The following SH3BP1 variants were observed in gnomAD, a reference collection of about 807,000 sequenced individuals.
SH3BP1 encodes SH3 domain binding protein 1.
A neutral mutation model predicts 69.8 loss-of-function variants in SH3BP1; 46 were observed. The ratio of observed to expected loss-of-function variants is 0.66; its 90% CI spans 0.52 to 0.84. The LOEUF is 0.84. Ranked by LOEUF, SH3BP1 falls within the 40% of genes least tolerant of loss-of-function variation. The pLI is 0.00. For synonymous variants in SH3BP1, 403 were observed against 378.0 expected (o/e 1.07, Z -0.77); for missense variants, 868 against 930.9 (o/e 0.93, Z 0.88).
intron 6 of SH3BP1, 21 bp downstream of exon 6, chr22:37,643,195 G>T: frequency 6.3e-7 from 1 of 1,590,668 alleles, no homozygotes; most frequent in Non-Finnish European, 8.6e-7. Flanking sequence ...CAGCCGCTCA[G>T]GGGGCTCATA....
At chr22:37,645,233 G>A (rs73887019) in intron 9 of SH3BP1, 132 bp from the exon 10 acceptor site, 72 of 1,222,932 alleles carry the variant, frequency 5.9e-5, no homozygotes, top group African/African-American at 5.6e-4. Flanking sequence ...GAGATGTGAC[G>A]GATGATTTCA....
In SH3BP1 at chr22:37,650,239, C is replaced by A. The variant is rs1932852561; in HGVS notation, c.1404C>A (p.Leu468=). The A allele has an allele frequency of 1.2e-6, 2 of 1,608,864 alleles. No homozygotes were observed. The highest frequency in any genetic ancestry group is 1.3e-5 in the African/African-American group (1 of 74,822). ...CGCTGATCCAGAGCGCAGACACCCTCTTCCCTGGAGGTGAAGCTCCTGCCT... is the reference window on the plus strand; with the variant it reads ...CGCTGATCCAGAGCGCAGACACCCTATTCCCTGGAGGTGAAGCTCCTGCCT... ...VEALIQSADT[L]FPGDINFNVS... is the part of the protein sequence containing the mutation. Residue 468 remains leucine, a synonymous_variant, in exon 15 of 18, where the codon CTC becomes CTA. Coordinates refer to ENST00000649765, the MANE Select transcript of SH3BP1 (RefSeq NM_018957.6).
chr22:37,653,128 C>A (rs1932916537), intron 16 of SH3BP1, among the ~76,000 whole-genome samples: 1 of 151,038 alleles, frequency 6.6e-6, no homozygotes, highest in Non-Finnish European at 1.5e-5. Context: ...CAGAGCGAGA[C>A]TTCTCAACAA....
chr22:37,640,839 C>T, intron 1 of SH3BP1: 1 of 483,080 alleles, frequency 2.1e-6, no homozygotes, highest in Non-Finnish European at 3.7e-6. Context: ...CAAAGCTGGG[C>T]CCCGGGTGGG....
Position 37,650,665 on chromosome 22 carries a change from C to A in SH3BP1, c.1538C>A (p.Pro513Gln), listed in dbSNP as rs142801645. ...CCCACCCCAGCCACCACCCCGGCTCCGGCTCCGGCTCCAGCTCCAGCTCCG... is the reference window on the plus strand; with the variant it reads ...CCCACCCCAGCCACCACCCCGGCTCAGGCTCCGGCTCCAGCTCCAGCTCCG... Reference protein sequence around the residue: ...AVPTPATTPAPAPAPAPAPAP... With the variant: ...AVPTPATTPAQAPAPAPAPAP... Residue 513 changes from proline to glutamine, a missense_variant, in exon 16 of 18, where the codon CCG (proline) becomes CAG (glutamine). By Grantham distance (76) the Pro-to-Gln change is moderately conservative. Around this residue, in one of 3 missense-constraint regions of SH3BP1, gnomAD observed 474 missense variants for 462.3 expected, o/e 1.03. Transcript: ENST00000649765. 1 of 1,613,878 alleles carries A rather than the reference C, an allele frequency of 6.2e-7. No individual in the cohort carries two copies. The highest frequency in any genetic ancestry group is 1.7e-5 in the Admixed American group (1 of 60,006).
chr22:37,643,193 CAG>C lies in SH3BP1; in HGVS notation c.473+20_473+21del. The C allele has an allele frequency of 1.9e-6, 3 of 1,592,584 alleles. No homozygotes were observed. The highest frequency in any genetic ancestry group is 2.6e-6 in the Non-Finnish European group (3 of 1,167,236). Reference sequence around the variant, plus strand: ...AGAGCAGGTGGGAGCCCCAGCCGCTCAGGGGGCTCATATCTGGGTCAGCCCAC... The same window carrying C: ...AGAGCAGGTGGGAGCCCCAGCCGCTCGGGGCTCATATCTGGGTCAGCCCAC... On this transcript the variant is annotated intron_variant, in intron 6 of 17. Coordinates refer to ENST00000649765, the MANE Select transcript of SH3BP1 (RefSeq NM_018957.6).
chr22:37,647,546 C>G (rs767197969), intron 13 of SH3BP1, 25 bp downstream of exon 13: 1 of 1,571,910 alleles, frequency 6.4e-7, no homozygotes, highest in East Asian at 2.3e-5. Context: ...GCCTCCCCAG[C>G]CTGCCGCAGA....
At chr22:37,645,342 G>C in intron 9 of SH3BP1, 23 bp from the exon 10 acceptor site, 1 of 1,589,708 alleles carries the variant, frequency 6.3e-7, no homozygotes, top group Non-Finnish European at 8.6e-7. Context: ...GCCCTGGGCC[G>C]CTGATCTGTT....
rs1375074917 is a variant in SH3BP1 at position 37,650,555 on chromosome 22, C to T, written c.1428C>T (p.Asn476=). 5.6e-6 allele frequency: 9 copies of T among 1,609,896 alleles called. No individual in the cohort carries two copies. Among genetic ancestry groups the T allele is most frequent in the African/African-American group, 2.7e-5 (2 of 74,790 alleles). The change falls in exon 16 of 18, where the codon AAC becomes AAT. Residue 476 remains asparagine, a synonymous_variant. Coordinates refer to ENST00000649765, the MANE Select transcript of SH3BP1 (RefSeq NM_018957.6). ...DTLFPGDINF[N]VSGLFSAVTL... is the part of the protein sequence containing the mutation. Reference sequence around the variant, plus strand: ...TTCTGTCTCCAGACATCAACTTCAACGTGTCAGGCCTCTTCTCAGCTGTTA... The same window carrying T: ...TTCTGTCTCCAGACATCAACTTCAATGTGTCAGGCCTCTTCTCAGCTGTTA...
chr22:37,645,660 C>T, intron 10 of SH3BP1, 150 bp downstream of exon 10: 2 of 860,860 alleles, frequency 2.3e-6, no homozygotes, highest in Non-Finnish European at 3.5e-6. Context: ...GCGGCATCCA[C>T]ACTACCTCCC....
chr22:37,641,522 T>A (rs1932598870), intron 3 of SH3BP1, 44 bp downstream of exon 3: 9 of 1,471,058 alleles, frequency 6.1e-6, no homozygotes, highest in Non-Finnish European at 8.3e-6. Context: ...GCAGGAGACT[T>A]CCATCCAATG....
intron 16 of SH3BP1, among the ~76,000 whole-genome samples, chr22:37,652,412 G>T (rs1221037246): frequency 1.3e-5 from 2 of 152,078 alleles, no homozygotes; most frequent in Non-Finnish European, 1.5e-5. Flanking sequence ...GCACACCTGT[G>T]GTCCCAGCTA....
intron 17 of SH3BP1, among the ~76,000 whole-genome samples, chr22:37,654,433 T>A (rs1932957926): frequency 6.6e-6 from 1 of 151,732 alleles, no homozygotes; most frequent in Non-Finnish European, 1.5e-5. Flanking sequence ...TAGCTGGGCA[T>A]GGTTGCGGGT....
intron 16 of SH3BP1, among the ~76,000 whole-genome samples, chr22:37,651,491 G>A (rs112751822): frequency 0.018 from 2,762 of 151,446 alleles, 87 homozygotes; most frequent in African/African-American, 0.062. Context: ...CACCATAGCC[G>A]GCTAATTTTT....
Position 37,655,572 on chromosome 22 carries a change from TGG to T in SH3BP1, c.1998_1999del (p.Ala667CysfsTer9). 1.9e-6 allele frequency: 3 copies of T among 1,585,992 alleles called. No individual in the cohort carries two copies. In the South Asian group the frequency reaches 3.4e-5, roughly 18 times the overall value. On this transcript the variant is annotated frameshift_variant, in exon 18 of 18. Coordinates refer to ENST00000649765, the MANE Select transcript of SH3BP1 (RefSeq NM_018957.6). LOFTEE classifies it low-confidence loss of function (END_TRUNC). ...TTGAGTAACCCTGCACAGGTGGACC[TGG>T]GGGCTGCCACAGCAGAGGGAGGAGC...
chr22:37,655,354 G>GC lies in SH3BP1; in HGVS notation c.1781dup (p.Gly595TrpfsTer65). ...GCTCCTCCCCTCCAGCCCCGCCCTT[G>GC]CCCCCTGGCTCTGGCAGCCCTGGGA... On this transcript the variant is annotated frameshift_variant, in exon 18 of 18. Coordinates refer to ENST00000649765, the MANE Select transcript of SH3BP1 (RefSeq NM_018957.6). LOFTEE classifies it low-confidence loss of function (END_TRUNC). The GC allele has an allele frequency of 4.2e-6, 5 of 1,191,696 alleles. No individual in the cohort carries two copies. Among genetic ancestry groups the GC allele is most frequent in the Non-Finnish European group, 5.3e-6 (5 of 936,436 alleles). The allele number at this position is 1,191,696 out of a possible 1,614,324, so 73.8% of individuals were successfully genotyped here.
chr22:37,650,290 CCTT>C, intron 15 of SH3BP1, 41 bp downstream of exon 15: 1 of 1,559,080 alleles, frequency 6.4e-7, no homozygotes, highest in South Asian at 1.2e-5. Context: ...TGGGTGCCCT[CCTT>C]CTGCCCTGCT....
intron 7 of SH3BP1, 147 bp downstream of exon 7, chr22:37,643,935 C>A: frequency 1.2e-6 from 1 of 825,678 alleles, no homozygotes; most frequent in Non-Finnish European, 1.9e-6. Flanking sequence ...CCGCCATTCC[C>A]TCGTAGCCTC....
At chr22:37,648,525 T>G in intron 14 of SH3BP1, 90 bp downstream of exon 14, 2 of 890,450 alleles carry the variant, frequency 2.2e-6, no homozygotes, top group Non-Finnish European at 3.6e-6. Context: ...GGCCTTGGTG[T>G]CCCCATTTTT....
Sources: allele counts gnomAD v4.1 joint callset (sites outside exome capture counted in the v4.1 genomes callset), GRCh38; gene constraint gnomAD v4.1.1; regional missense constraint gnomAD v4.1.1; transcripts MANE v1.5; gene names NCBI Gene and HGNC (gene_info 2026-07-23, HGNC 2026-07-21).